The following MAN1A2 variants were observed in gnomAD, a reference collection of about 807,000 sequenced individuals.
MAN1A2 encodes the protein mannosyl-oligosaccharide 1,2-alpha-mannosidase IB.
Under a neutral mutation model 75.7 loss-of-function variants are expected in MAN1A2, and 26 were observed. The ratio of observed to expected loss-of-function variants is 0.34; its 90% CI spans 0.25 to 0.48. The LOEUF (loss-of-function observed/expected upper bound fraction) is 0.48, where lower values mean the gene tolerates loss of function less well. Among genes scored for constraint, MAN1A2 ranks in the 20% least tolerant of loss-of-function variants. The pLI, the probability that MAN1A2 is intolerant of heterozygous loss-of-function variation, is 0.99. For missense variants in MAN1A2, 562 were observed against 775.5 expected (o/e 0.72, Z 3.27); for synonymous variants, 247 against 264.6 (o/e 0.93, Z 0.65).
intron 12 of MAN1A2, among the ~76,000 whole-genome samples, chr1:117,521,054 A>T (rs1428284855): frequency 6.6e-6 from 1 of 151,888 alleles, no homozygotes; most frequent in Non-Finnish European, 1.5e-5. Flanking sequence ...GCAAACAAAC[A>T]AAGTGGGGTA....
chr1:117,522,138 A>G (rs1651886172), intron 12 of MAN1A2, among the ~76,000 whole-genome samples: 1 of 151,842 alleles, frequency 6.6e-6, no homozygotes, highest in African/African-American at 2.4e-5. Context: ...TAAAGAACTT[A>G]CTCATGTAAC....
intron 12 of MAN1A2, among the ~76,000 whole-genome samples, chr1:117,504,877 A>G (rs899264262): frequency 6.6e-6 from 1 of 151,492 alleles, no homozygotes; most frequent in Non-Finnish European, 1.5e-5. Flanking sequence ...CATTTTCAGC[A>G]TGAACATTAT....
At chr1:117,492,045 G>A (rs978602332) in intron 8 of MAN1A2, among the ~76,000 whole-genome samples, 1 of 152,038 alleles carries the variant, frequency 6.6e-6, no homozygotes, top group Non-Finnish European at 1.5e-5. Flanking sequence ...GAACATTGTC[G>A]AAATGACAAT....
In MAN1A2 at chr1:117,522,839, T is replaced by C; in HGVS notation, c.1808T>C (p.Leu603Pro). 1 of 1,611,062 alleles carries C rather than the reference T, an allele frequency of 6.2e-7. No individual in the cohort carries two copies. The highest frequency in any genetic ancestry group is 8.5e-7 in the Non-Finnish European group (1 of 1,178,174). ...LAETLKYLYLLFSGDDLLPLD... is the reference protein window; with the variant it reads ...LAETLKYLYLPFSGDDLLPLD... ...TTTATTTTCAGATATTTGTATCTGCTGTTCTCCGGTGATGACCTTTTACCT... is the reference window on the plus strand; with the variant it reads ...TTTATTTTCAGATATTTGTATCTGCCGTTCTCCGGTGATGACCTTTTACCT... Residue 603 changes from leucine (L) to proline (P), a missense_variant, in exon 13 of 13, where the codon CTG (leucine) becomes CCG (proline). By Grantham distance (98) the Leu-to-Pro change is moderately conservative (BLOSUM62 -3). This residue lies in a region of MAN1A2 where 434 missense variants were observed against 645.7 expected (regional missense o/e 0.67). Transcript: ENST00000356554.
intron 12 of MAN1A2, among the ~76,000 whole-genome samples, chr1:117,522,329 G>A (rs1651892453): frequency 6.6e-6 from 1 of 151,838 alleles, no homozygotes; most frequent in Non-Finnish European, 1.5e-5. Context: ...GGTGTGGAGG[G>A]TTGATTTAAT....
intron 10 of MAN1A2, 31 bp from the exon 11 acceptor site, chr1:117,499,351 T>G: frequency 6.8e-7 from 1 of 1,474,250 alleles, no homozygotes; most frequent in Non-Finnish European, 9.1e-7. Flanking sequence ...ATGGTTTATT[T>G]TGCTCAGTTA....
rs1408242764 is a variant in MAN1A2, at chr1:117,496,770, A to G, written c.1292A>G (p.Glu431Gly). The G allele has an allele frequency of 6.2e-7, 1 of 1,609,688 alleles. No homozygotes were observed. Among genetic ancestry groups the G allele is most frequent in the South Asian group, 1.1e-5 (1 of 90,868 alleles). Residue 431 changes from glutamate (E) to glycine (G), a missense_variant, in exon 10 of 13, where the codon GAA (glutamate) becomes GGA (glycine). Physicochemically the swap from Glu to Gly is moderately conservative, Grantham distance 98. Around this residue, in one of 2 missense-constraint regions of MAN1A2, gnomAD observed 434 missense variants for 645.7 expected, o/e 0.67. Transcript: ENST00000356554. ...KMYDDAIEAI[E>G]KHLIKKSRGG... ...ATCTTTTCTTTCCTGTAGGCTATAG[A>G]AAAACATCTTATTAAGAAGTCTCGT...
intron 12 of MAN1A2, among the ~76,000 whole-genome samples, chr1:117,508,397 C>A (rs1396395760): frequency 6.6e-6 from 1 of 151,558 alleles, no homozygotes; most frequent in Admixed American, 6.6e-5. Flanking sequence ...TGTCTACTTT[C>A]ACTGGTATCA....
intron 7 of MAN1A2, among the ~76,000 whole-genome samples, chr1:117,462,059 A>G (rs1339531510): frequency 4.6e-5 from 7 of 152,166 alleles, no homozygotes; most frequent in African/African-American, 1.4e-4. Flanking sequence ...ACTTGTTTTA[A>G]CAAGTGTCGC....
intron 12 of MAN1A2, among the ~76,000 whole-genome samples, chr1:117,508,693 T>C (rs1269058037): frequency 6.6e-6 from 1 of 151,620 alleles, no homozygotes; most frequent in African/African-American, 2.4e-5. Context: ...TCCACAATAG[T>C]ATCATGAAGC....
Position 117,380,034 on chromosome 1 carries a change from A to G in MAN1A2, c.302+11549A>G, listed in dbSNP as rs1314764609. On this transcript the variant is annotated intron_variant, in intron 1 of 12. Transcript: ENST00000356554. The stretch of plus-strand genomic sequence containing the variant: ...AATGGAATTACAGGGTCGTATGATA[A>G]TTCTATGCTTAGCTTTTTGAGGAAC... Among the ~76,000 whole-genome samples, 4 of 152,276 alleles carry G rather than the reference A, an allele frequency of 2.6e-5. No individual in the cohort carries two copies. In the South Asian group the frequency reaches 6.2e-4, roughly 24 times the overall value.
chr1:117,420,561 T>G lies in MAN1A2; in HGVS notation c.775-8T>G. On this transcript the variant is annotated splice_region_variant and splice_polypyrimidine_tract_variant and intron_variant, in intron 4 of 12. Transcript: ENST00000356554. The stretch of plus-strand genomic sequence containing the variant: ...TATTTGTGAATGTTTTCAATATGTT[T>G]TTCACAGAATTCAGAGGTGTCTGTG... The G allele has an allele frequency of 1.3e-6, 2 of 1,597,990 alleles. No individual in the cohort carries two copies. Among genetic ancestry groups the G allele is most frequent in the South Asian group, 2.2e-5 (2 of 90,646 alleles).
chr1:117,463,315 A>G (rs1649883515), intron 7 of MAN1A2, among the ~76,000 whole-genome samples: 1 of 152,090 alleles, frequency 6.6e-6, no homozygotes, highest in African/African-American at 2.4e-5. Context: ...TTTCTGGGAA[A>G]AGAGAGTCAG....
chr1:117,470,077 A>G (rs1009407925), intron 8 of MAN1A2, among the ~76,000 whole-genome samples: 13 of 152,148 alleles, frequency 8.5e-5, no homozygotes, highest in Admixed American at 7.2e-4. Flanking sequence ...TGTCCAACAG[A>G]TGAATGGGTA....
intron 7 of MAN1A2, among the ~76,000 whole-genome samples, chr1:117,462,573 G>T (rs1557960846): frequency 6.6e-6 from 1 of 152,116 alleles, no homozygotes; most frequent in Non-Finnish European, 1.5e-5. Flanking sequence ...CAAAGAGAAG[G>T]TTGGAAGTTT....
chr1:117,444,498 C>T (rs1321428320), intron 6 of MAN1A2, among the ~76,000 whole-genome samples: 2 of 151,522 alleles, frequency 1.3e-5, no homozygotes, highest in African/African-American at 4.9e-5. Context: ...AAATGTGTTC[C>T]AGAAAGGCTG....
intron 5 of MAN1A2, among the ~76,000 whole-genome samples, chr1:117,434,491 C>G (rs1383627327): frequency 6.6e-6 from 1 of 152,036 alleles, no homozygotes; most frequent in Non-Finnish European, 1.5e-5. Context: ...TTCTAGGAAT[C>G]TATTATCTAA....
At chr1:117,508,563 G>A (rs1651440237) in intron 12 of MAN1A2, among the ~76,000 whole-genome samples, 1 of 151,392 alleles carries the variant, frequency 6.6e-6, no homozygotes, top group Non-Finnish European at 1.5e-5. Flanking sequence ...TTAAGAATAA[G>A]TAATCTTAAA....
chr1:117,498,243 T>A (rs1419563806), intron 10 of MAN1A2, among the ~76,000 whole-genome samples: 1 of 151,792 alleles, frequency 6.6e-6, no homozygotes, highest in Non-Finnish European at 1.5e-5. Context: ...TAGCTAAAAT[T>A]AGTAAAACAT....
Sources: gnomAD v4.1 joint callset for allele counts (sites outside exome capture counted in the v4.1 genomes callset) on GRCh38, gnomAD v4.1.1 for gene constraint, gnomAD v4.1.1 regional missense constraint, MANE v1.5 for transcripts, NCBI Gene and HGNC (gene_info 2026-07-23, HGNC 2026-07-21) for gene names.